The following TRIM64B variants were observed in gnomAD, a reference collection of about 807,000 sequenced individuals.
TRIM64B encodes the protein tripartite motif containing 64B.
For synonymous variants in TRIM64B, 17 were observed against 190.3 expected (o/e 0.09, Z 7.50); for missense variants, 57 against 536.4 (o/e 0.11, Z 8.83).
At chr11:89,873,500 G>GA (rs1950133453) in intron 3 of TRIM64B, among the ~76,000 whole-genome samples, 1 of 143,490 alleles carries the variant, frequency 7.0e-6, no homozygotes, top group African/African-American at 2.6e-5. Flanking sequence ...GCAAGAGACA[G>GA]TGGAGTAAAG....
rs202171105 is a variant in TRIM64B at position 89,875,784 on chromosome 11, T to C, written c.234A>G (p.Arg78=). 7.7e-3 allele frequency: 11,812 copies of C among 1,541,582 alleles called. 59 individuals are homozygous for C. The highest frequency in any genetic ancestry group is 9.4e-3 in the Non-Finnish European group (10,723 of 1,142,954). ...TGTTGATGTTCTGAGGTCTGGTCTG[T>C]CTGGCTAGGGAAGACAGCTTTTTGA... Residue 78 remains arginine, a synonymous_variant, in exon 1 of 6, where the codon AGA becomes AGG. Transcript: ENST00000329862.
At chr11:89,877,556 C>G (rs1417803114), upstream of TRIM64B, among the ~76,000 whole-genome samples, 1 of 147,962 alleles carries the variant, frequency 6.8e-6, no homozygotes, top group Non-Finnish European at 1.5e-5. Flanking sequence ...CTTGGGAGCC[C>G]TTGCCAGTTG....
upstream of TRIM64B, among the ~76,000 whole-genome samples, chr11:89,876,190 T>C (rs1356389776): frequency 2.3e-4 from 30 of 130,910 alleles, no homozygotes; most frequent in African/African-American, 8.3e-4. Flanking sequence ...AATTCATACA[T>C]GCTGGATTTA....
chr11:89,877,609 CTTTTTTT>C (rs1280189775), upstream of TRIM64B, among the ~76,000 whole-genome samples: 672 of 141,510 alleles, frequency 4.7e-3, 30 homozygotes, highest in African/African-American at 0.015. Flanking sequence ...TTTTCTTTTT[CTTTTTTT>C]TTTTTTTTTG....
In TRIM64B at chr11:89,873,981, T is replaced by G. The variant is rs1590885677; in HGVS notation, c.735+68A>C. ...AGAGCAGTGACATACGCAGGTGATATTTGCATGTCCTGGCAGCACTGTCCA... is the reference window on the plus strand; with the variant it reads ...AGAGCAGTGACATACGCAGGTGATAGTTGCATGTCCTGGCAGCACTGTCCA... On this transcript the variant is annotated intron_variant, in intron 3 of 5. Coordinates refer to ENST00000329862, the Ensembl canonical transcript of TRIM64B. The G allele has an allele frequency of 1.6e-5, 17 of 1,034,180 alleles. 1 individual carries two copies. Among genetic ancestry groups the G allele is most frequent in the African/African-American group, 6.5e-5 (4 of 61,572 alleles). 64.1% of individuals were successfully genotyped at this position (1,034,180 alleles called of 1,614,324 possible).
At chr11:89,875,428 C>G (rs1436312811) in intron 1 of TRIM64B, among the ~76,000 whole-genome samples, 182 bp downstream of exon 2, 8 of 152,298 alleles carry the variant, frequency 5.3e-5, no homozygotes, top group African/African-American at 1.9e-4. Context: ...AGTCTCAACA[C>G]AGCTATGATT....
upstream of TRIM64B, among the ~76,000 whole-genome samples, chr11:89,877,831 A>G (rs1368086476): frequency 6.7e-6 from 1 of 149,436 alleles, no homozygotes; most frequent in African/African-American, 2.4e-5. Context: ...CATGTTGGCC[A>G]GGCTGGTGTC....
In TRIM64B at chr11:89,875,086, C is replaced by G. The variant is rs748722018; in HGVS notation, c.409-13G>C. On this transcript the variant is annotated splice_polypyrimidine_tract_variant and intron_variant, in intron 1 of 5. Transcript: ENST00000329862. ...TTATAAGTTTCTCCTGCAAAAGAAG[C>G]AAGAAGCTTAGCAATAATGAAGACA... 1 of 1,544,848 alleles carries G rather than the reference C, an allele frequency of 6.5e-7. No individual in the cohort carries two copies. The highest frequency in any genetic ancestry group is 8.8e-7 in the Non-Finnish European group (1 of 1,141,714).
At chr11:89,875,429 A>C (rs1311044282) in intron 1 of TRIM64B, among the ~76,000 whole-genome samples, 181 bp downstream of exon 2, 11 of 152,402 alleles carry the variant, frequency 7.2e-5, no homozygotes, top group Non-Finnish European at 1.3e-4. Context: ...GTCTCAACAC[A>C]GCTATGATTA....
At chr11:89,875,418 A>C (rs1173321173) in intron 1 of TRIM64B, among the ~76,000 whole-genome samples, 192 bp downstream of exon 2, 12 of 152,298 alleles carry the variant, frequency 7.9e-5, no homozygotes, top group African/African-American at 2.9e-4. Context: ...CCTTTAGTGA[A>C]GTCTCAACAC....
At chr11:89,874,131 A>G (rs1950140403) in exon 3 of TRIM64B, 1 of 1,548,102 alleles carries the variant, frequency 6.5e-7, no homozygotes, top group Non-Finnish European at 8.7e-7. Context: ...ATGTTGGGTC[A>G]TTCTCACTTG....
chr11:89,870,738 A>T (rs1950095645), exon 6 of TRIM64B: 1 of 1,551,700 alleles, frequency 6.4e-7, no homozygotes, highest in African/African-American at 1.4e-5. Context: ...CATTATCATA[A>T]TCCAGAAACA....
rs1215499070 is a variant in TRIM64B at position 89,875,252 on chromosome 11, A to G, written c.409-179T>C. Among the ~76,000 whole-genome samples, 3 of 152,370 alleles carry G rather than the reference A, an allele frequency of 2.0e-5. No homozygotes were observed. In the South Asian group the frequency reaches 6.2e-4, roughly 32 times the overall value. ...AATTTGGATGTGAAAAGTGATAGAA[A>G]CATAATAGAGAGTTTTAAGGGACCC... On this transcript the variant is annotated intron_variant, in intron 1 of 5. Coordinates refer to ENST00000329862, the Ensembl canonical transcript of TRIM64B.
At chr11:89,872,735 G>A (rs1212527867) in intron 4 of TRIM64B, among the ~76,000 whole-genome samples, 3 of 151,778 alleles carry the variant, frequency 2.0e-5, no homozygotes, top group Non-Finnish European at 2.9e-5. Context: ...TTAATCTTTT[G>A]TGCAAAACAA....
chr11:89,877,090 C>T (rs1244261463), upstream of TRIM64B, among the ~76,000 whole-genome samples: 7 of 135,068 alleles, frequency 5.2e-5, no homozygotes, highest in Non-Finnish European at 1.6e-5. Flanking sequence ...CACTTAGTAT[C>T]TATGGTATTA....
intron 4 of TRIM64B, among the ~76,000 whole-genome samples, chr11:89,872,588 C>T (rs1206866387): frequency 2.0e-5 from 3 of 151,796 alleles, no homozygotes; most frequent in African/African-American, 7.3e-5. Context: ...CCCATCACAC[C>T]CCTTGAGGGT....
upstream of TRIM64B, among the ~76,000 whole-genome samples, chr11:89,877,609 C>CTTTTTTTTTTTTTTT (rs1280189775): frequency 7.1e-6 from 1 of 141,500 alleles, no homozygotes; most frequent in Admixed American, 7.0e-5. Flanking sequence ...TTTTCTTTTT[C>CTTTTTTTTTTTTTTT]TTTTTTTTTT....
At chr11:89,875,129 C>A (rs544163459) in intron 1 of TRIM64B, 56 bp from the exon 3 acceptor site, 36 of 1,533,528 alleles carry the variant, frequency 2.3e-5, no homozygotes, top group South Asian at 7.5e-5. Context: ...AGATTTCATA[C>A]CCTTATCTTA....
At chr11:89,873,971 G>C (rs1267711467) in intron 3 of TRIM64B, 78 bp downstream of exon 4, 23 of 884,100 alleles carry the variant, frequency 2.6e-5, no homozygotes, top group Non-Finnish European at 3.8e-5. Flanking sequence ...AGTGACATAC[G>C]CAGGTGATAT....
Sources: allele counts gnomAD v4.1 joint callset (sites outside exome capture counted in the v4.1 genomes callset), GRCh38; gene constraint gnomAD v4.1.1; transcripts MANE v1.5; gene names NCBI Gene and HGNC (gene_info 2026-07-23, HGNC 2026-07-21).